CTC1: variants seen among roughly 807,000 people sequenced by gnomAD.
The protein encoded by CTC1 is CST complex subunit CTC1.
CTC1 carries 91 observed loss-of-function variants against 136.3 expected under a neutral mutation model. The ratio of observed to expected loss-of-function variants is 0.67; its 90% confidence interval spans 0.56 to 0.79. The LOEUF (loss-of-function observed/expected upper bound fraction) is 0.79, where lower values mean the gene tolerates loss of function less well. Ranked by LOEUF, CTC1 falls within the 30% of genes least tolerant of loss-of-function variation. The pLI, the probability that CTC1 is intolerant of heterozygous loss-of-function variation, is 0.00. For missense variants in CTC1, 1,432 were observed against 1,498.1 expected, an observed-to-expected ratio of 0.96 and a Z score of 0.73; for synonymous variants, 606 against 613.8, an observed-to-expected ratio of 0.99 and a Z score of 0.19.
intron 5 of CTC1, 141 bp from the exon 6 acceptor site, chr17:8,236,483 C>A: frequency 1.2e-6 from 1 of 829,040 alleles, no homozygotes; most frequent in Non-Finnish European, 1.8e-6. Flanking sequence ...CCTATGTCTG[C>A]CAACTAAATC....
chr17:8,236,673 A>G lies in CTC1; in HGVS notation c.793-331T>C, dbSNP rs184972206. 1.2e-3 allele frequency among the ~76,000 whole-genome samples: 187 copies of G among 152,328 alleles called. 1 individual carries two copies. Among genetic ancestry groups the G allele is most frequent in the Middle Eastern group, 6.8e-3 (2 of 294 alleles). Reference sequence around the variant, plus strand: ...CATGTAATCAAAGTGTATTGAGTATATATGTATCCAGTATTGTGACTGATG... The same window carrying G: ...CATGTAATCAAAGTGTATTGAGTATGTATGTATCCAGTATTGTGACTGATG... On this transcript the variant is annotated intron_variant, in intron 5 of 22. Coordinates refer to ENST00000651323, the MANE Select transcript of CTC1 (RefSeq NM_025099.6).
chr17:8,248,009 A>G lies in CTC1; in HGVS notation c.28T>C (p.Ser10Pro), dbSNP rs781595383. 2 of 1,562,076 alleles carry G rather than the reference A, an allele frequency of 1.3e-6. No homozygotes were observed. The highest frequency in any genetic ancestry group is 2.2e-5 in the South Asian group (2 of 90,124). Residue 10 changes from serine to proline, a missense_variant, in exon 1 of 23, where the codon TCC (serine) becomes CCC (proline). Transcript: ENST00000651323. MAAGRAQVP[S>P]SEQAWLEDAQ... is the part of the protein sequence containing the mutation. The stretch of plus-strand genomic sequence containing the variant: ...GACGTAATAGCAGCACTCACGGAGG[A>G]AGGGACCTGGGCCCGGCCAGCCGCC...
Position 8,242,970 on chromosome 17 carries a change from G to A in CTC1, c.197+15C>T, listed in dbSNP as rs111473388. On this transcript the variant is annotated intron_variant, in intron 2 of 22. Transcript: ENST00000651323. ...CTGCCCCTGCCCAGCCCCCGCAACC[G>A]CCACCTCTCCTTACCTATAGCTGAG... 1.6e-3 allele frequency: 2,604 copies of A among 1,597,144 alleles called. 40 individuals carry two copies. In the African/African-American group the frequency reaches 0.031, roughly 19 times the overall value.
intron 11 of CTC1, 96 bp downstream of exon 11, chr17:8,232,810 C>A: frequency 6.7e-7 from 1 of 1,487,004 alleles, no homozygotes; most frequent in Non-Finnish European, 9.2e-7. Flanking sequence ...ACTTCTGCAT[C>A]TCTAGTAAAT....
At chr17:8,234,373 A>T (rs1987503734) in intron 10 of CTC1, 82 bp downstream of exon 10, 1 of 1,342,702 alleles carries the variant, frequency 7.4e-7, no homozygotes, top group African/African-American at 1.5e-5. Flanking sequence ...ATGACGAAGA[A>T]AGATAGTAAC....
intron 2 of CTC1, among the ~76,000 whole-genome samples, chr17:8,242,533 G>T: frequency 1.2e-5 from 1 of 83,856 alleles, no homozygotes; most frequent in African/African-American, 5.1e-5. Context: ...AGTGTAGAGA[G>T]AAAAAAAAAA....
chr17:8,225,282 G>A lies in CTC1; in HGVS notation c.*2898C>T, dbSNP rs532594333. The A allele has an allele frequency of 2.0e-5, 3 of 152,264 alleles. No individual in the cohort carries two copies. Among genetic ancestry groups the A allele is most frequent in the Non-Finnish European group, 4.4e-5 (3 of 68,074 alleles). The allele number at this position is 152,264 out of a possible 1,614,324, so 9.4% of individuals were successfully genotyped here. On this transcript the variant is annotated 3_prime_UTR_variant, in exon 23 of 23. Coordinates refer to ENST00000651323, the MANE Select transcript of CTC1 (RefSeq NM_025099.6). ...TAGTGCTGAAAGGGGAACGTGCCTT[G>A]TTCATTTGGTTCTGCACAGGGTCCA...
At chr17:8,240,714 T>C (rs541577378) in intron 2 of CTC1, among the ~76,000 whole-genome samples, 3 of 147,424 alleles carry the variant, frequency 2.0e-5, no homozygotes, top group South Asian at 2.2e-4. Context: ...ACCCCGTCTC[T>C]ACCAAAAATA....
At chr17:8,230,920 T>C in intron 15 of CTC1, 1 of 512,026 alleles carries the variant, frequency 2.0e-6, no homozygotes, top group Admixed American at 3.4e-5. Flanking sequence ...GAGGCTCACT[T>C]AAGGTCAAGA....
chr17:8,235,377 G>C (rs1020780352), intron 7 of CTC1, 92 bp from the exon 8 acceptor site: 2 of 946,946 alleles, frequency 2.1e-6, no homozygotes, highest in Non-Finnish European at 3.2e-6. Context: ...CACTGCCTGG[G>C]TTCCAGGAAG....
Position 8,226,014 on chromosome 17 carries a change from G to C in CTC1, c.*2166C>G, listed in dbSNP as rs932495733. ...AGTCCACCTGCACCAGTGGGGTGTGGCATCAGTTAAGCAAAGGACCCTTAG... is the reference window on the plus strand; with the variant it reads ...AGTCCACCTGCACCAGTGGGGTGTGCCATCAGTTAAGCAAAGGACCCTTAG... On this transcript the variant is annotated 3_prime_UTR_variant, in exon 23 of 23. Coordinates refer to ENST00000651323, the MANE Select transcript of CTC1 (RefSeq NM_025099.6). 6.6e-6 allele frequency: 1 copy of C among 152,010 alleles called. No individual in the cohort carries two copies. Among genetic ancestry groups the C allele is most frequent in the African/African-American group, 2.4e-5 (1 of 41,368 alleles). 9.4% of individuals were successfully genotyped at this position (152,010 alleles called of 1,614,324 possible).
At chr17:8,230,684 G>A in intron 15 of CTC1, 33 bp from the exon 16 acceptor site, 1 of 1,577,920 alleles carries the variant, frequency 6.3e-7, no homozygotes, top group South Asian at 1.1e-5. Flanking sequence ...TGAGAATGGA[G>A]GCACAAGAAA....
chr17:8,230,145 G>A, intron 17 of CTC1, 149 bp downstream of exon 17: 3 of 972,618 alleles, frequency 3.1e-6, no homozygotes, highest in Non-Finnish European at 4.6e-6. Context: ...AACACCTCGT[G>A]AGGGTACTGG....
chr17:8,246,469 C>CTGT, intron 1 of CTC1, among the ~76,000 whole-genome samples: 1 of 151,990 alleles, frequency 6.6e-6, no homozygotes, highest in East Asian at 1.9e-4. Flanking sequence ...TCCACAAAAC[C>CTGT]CTGTCCTTTT....
rs377097486 is a variant in CTC1 at position 8,235,028 on chromosome 17, C to G, written c.1439+25G>C. ...AAGTGTGCTACTCCCACTGCCTCCC[C>G]GCCCTGGGCCCTCAGCCTCCTCACT... On this transcript the variant is annotated intron_variant, in intron 8 of 22. Coordinates refer to ENST00000651323, the MANE Select transcript of CTC1 (RefSeq NM_025099.6). The G allele has an allele frequency of 2.5e-6, 4 of 1,611,092 alleles. No homozygotes were observed. In the South Asian group the frequency reaches 4.4e-5, roughly 18 times the overall value.
chr17:8,246,853 C>T (rs1295530808), intron 1 of CTC1, among the ~76,000 whole-genome samples: 1 of 147,024 alleles, frequency 6.8e-6, no homozygotes, highest in Non-Finnish European at 1.5e-5. Context: ...TTGCAGTGAG[C>T]CGAGATCGCG....
At chr17:8,231,671 A>C in intron 14 of CTC1, 55 bp downstream of exon 14, 1 of 1,532,648 alleles carries the variant, frequency 6.5e-7, no homozygotes, top group Non-Finnish European at 9.0e-7. Flanking sequence ...CCCTCTTTAG[A>C]CCCCAACCCC....
In CTC1 at chr17:8,228,609, C is replaced by T. The variant is rs1193403038; in HGVS notation, c.3408G>A (p.Glu1136=). Residue 1136 remains glutamate (E), a synonymous_variant, in exon 22 of 23, where the codon GAG becomes GAA. Coordinates refer to ENST00000651323, the MANE Select transcript of CTC1 (RefSeq NM_025099.6). ...AQLESSARVD[E]PMTMFLWTLC... ...GTGTCCAGAGGAACATGGTCATGGG[C>T]TCGTCAACCCTGGCTGAAGACTAGA... 1.2e-6 allele frequency: 2 copies of T among 1,614,042 alleles called. No individual in the cohort carries two copies. Among genetic ancestry groups the T allele is most frequent in the African/African-American group, 1.3e-5 (1 of 74,922 alleles).
intron 2 of CTC1, among the ~76,000 whole-genome samples, chr17:8,242,571 TATATATATAC>T (rs1988362747): frequency 2.8e-5 from 4 of 141,958 alleles, no homozygotes; most frequent in African/African-American, 1.0e-4. Context: ...TATATATATA[TATATATATAC>T]ACATATATAT....
Sources: gnomAD v4.1 joint callset for allele counts (sites outside exome capture counted in the v4.1 genomes callset) on GRCh38, gnomAD v4.1.1 for gene constraint, MANE v1.5 for transcripts, NCBI Gene and HGNC (gene_info 2026-07-23, HGNC 2026-07-21) for gene names.